Variants in SCFD2 observed in about 807,000 individuals in gnomAD.
The protein encoded by SCFD2 is sec1 family domain containing 2, also known as sec1 family domain-containing protein 2.
In SCFD2, 54 loss-of-function variants were observed where a neutral mutation model predicts 58.9. That is an observed-to-expected ratio of 0.92 (90% CI 0.74 to 1.15). The LOEUF is 1.15. Among genes scored for constraint, SCFD2 ranks in the 50% most tolerant of loss-of-function variants. The pLI is 0.00. For synonymous variants in SCFD2, 321 were observed against 335.9 expected (o/e 0.96, Z 0.49); for missense variants, 805 against 836.6 (o/e 0.96, Z 0.47).
At position 53,112,367 on chromosome 4, in the gene SCFD2, T is replaced by A. The variant is rs551773439; in HGVS notation, c.1561+32966A>T. ...ATTAATTTAAATGAAAGCATTTACATACAATTTTGAACTTCTGACTTTAAC... is the reference window on the plus strand; with the variant it reads ...ATTAATTTAAATGAAAGCATTTACAAACAATTTTGAACTTCTGACTTTAAC... On this transcript the variant is annotated intron_variant, in intron 5 of 8. Transcript: ENST00000401642. Among the ~76,000 whole-genome samples the A allele has an allele frequency of 4.3e-4, 65 of 152,250 alleles. No homozygotes were observed. In the South Asian group the frequency reaches 0.013, roughly 31 times the overall value.
intron 5 of SCFD2, among the ~76,000 whole-genome samples, chr4:52,961,318 C>T (rs1189583616): frequency 3.9e-5 from 6 of 152,082 alleles, no homozygotes; most frequent in East Asian, 1.9e-4. Context: ...AAGCTACTGG[C>T]GGCCATTTTG....
chr4:53,154,599 C>G (rs1726609080), intron 4 of SCFD2, among the ~76,000 whole-genome samples: 1 of 152,192 alleles, frequency 6.6e-6, no homozygotes, highest in South Asian at 2.1e-4. Flanking sequence ...TCAGCCAAGC[C>G]ATGGTGTGTG....
At chr4:53,226,997 C>T (rs1282150738) in intron 4 of SCFD2, among the ~76,000 whole-genome samples, 1 of 152,184 alleles carries the variant, frequency 6.6e-6, no homozygotes, top group African/African-American at 2.4e-5. Flanking sequence ...AAACTCCTTG[C>T]TGTTGAGGAT....
chr4:53,321,270 C>T (rs1416717801), intron 2 of SCFD2, among the ~76,000 whole-genome samples: 1 of 152,012 alleles, frequency 6.6e-6, no homozygotes, highest in Non-Finnish European at 1.5e-5. Context: ...TTAGAAGCTG[C>T]CTTGGGTTGG....
chr4:53,155,706 G>A (rs1220139505), intron 4 of SCFD2, among the ~76,000 whole-genome samples: 1 of 152,166 alleles, frequency 6.6e-6, no homozygotes, highest in African/African-American at 2.4e-5. Flanking sequence ...TTTAAAGCCT[G>A]CTACTTAATA....
chr4:52,939,638 G>A (rs904804987), intron 5 of SCFD2, among the ~76,000 whole-genome samples: 1 of 151,978 alleles, frequency 6.6e-6, no homozygotes, highest in Non-Finnish European at 1.5e-5. Flanking sequence ...GACAAGTAAA[G>A]TGGTAATTTC....
intron 4 of SCFD2, among the ~76,000 whole-genome samples, chr4:53,147,808 G>A (rs2412405): frequency 0.97 from 147,942 of 152,330 alleles, 71,976 homozygotes; most frequent in Middle Eastern, 1. Context: ...AGAATCTCAT[G>A]ATGTTTTAAG....
chr4:53,178,646 G>A (rs532301285), intron 4 of SCFD2, among the ~76,000 whole-genome samples: 478 of 152,310 alleles, frequency 3.1e-3, no homozygotes, highest in African/African-American at 9.7e-3. Context: ...AAAGCTGGAC[G>A]GAGAATGACT....
intron 5 of SCFD2, among the ~76,000 whole-genome samples, chr4:53,119,182 A>G (rs1233057080): frequency 6.6e-6 from 1 of 151,984 alleles, no homozygotes; most frequent in East Asian, 1.9e-4. Context: ...GCTAGGCATG[A>G]TGGTGCATGC....
chr4:53,293,320 G>A (rs1731907299), intron 3 of SCFD2, among the ~76,000 whole-genome samples: 1 of 151,844 alleles, frequency 6.6e-6, no homozygotes, highest in Admixed American at 6.6e-5. Flanking sequence ...GGAAGCAGGG[G>A]GAGAAAGAAC....
intron 2 of SCFD2, among the ~76,000 whole-genome samples, chr4:53,334,807 A>G (rs1338238346): frequency 6.6e-6 from 1 of 152,208 alleles, no homozygotes; most frequent in Non-Finnish European, 1.5e-5. Flanking sequence ...CATGGAAGAG[A>G]CTATTTACAT....
chr4:53,207,433 G>T (rs1469474327), intron 4 of SCFD2, among the ~76,000 whole-genome samples: 1 of 138,662 alleles, frequency 7.2e-6, no homozygotes, highest in Admixed American at 7.7e-5. Flanking sequence ...GGTCAAACTT[G>T]AAAACATCAT....
intron 5 of SCFD2, among the ~76,000 whole-genome samples, chr4:53,109,013 C>T (rs56919722): frequency 0.04 from 6,090 of 152,270 alleles, 407 homozygotes; most frequent in African/African-American, 0.14. Flanking sequence ...AAAAGCTCAT[C>T]TACCATGATC....
chr4:53,009,094 T>C (rs151077124), intron 5 of SCFD2, among the ~76,000 whole-genome samples: 1 of 152,270 alleles, frequency 6.6e-6, no homozygotes, highest in East Asian at 1.9e-4. Flanking sequence ...CCATCTTCCA[T>C]AAATGACTGT....
chr4:53,184,675 A>G (rs538043459), intron 4 of SCFD2, among the ~76,000 whole-genome samples: 1 of 152,256 alleles, frequency 6.6e-6, no homozygotes, highest in Admixed American at 6.5e-5. Context: ...TGGCTGGTGA[A>G]CCACTCTTAA....
intron 3 of SCFD2, among the ~76,000 whole-genome samples, chr4:53,286,310 G>A (rs770796371): frequency 8.5e-5 from 13 of 152,200 alleles, no homozygotes; most frequent in Admixed American, 1.3e-4. Context: ...TAGTGGAGCG[G>A]CCATGCACCC....
intron 4 of SCFD2, among the ~76,000 whole-genome samples, chr4:53,260,960 T>C (rs1362678420): frequency 6.6e-6 from 1 of 152,182 alleles, no homozygotes; most frequent in Admixed American, 6.5e-5. Flanking sequence ...AGAAGGGTTG[T>C]ATATTTCCAG....
rs565332858 is a variant in SCFD2 at position 53,126,783 on chromosome 4, C to T, written c.1561+18550G>A. ...CAGGGAAAGCAGGATTCCCGAGAACCACCGTCTCGGCAGAGAGCTCTCCTC... is the reference window on the plus strand; with the variant it reads ...CAGGGAAAGCAGGATTCCCGAGAACTACCGTCTCGGCAGAGAGCTCTCCTC... On this transcript the variant is annotated intron_variant, in intron 5 of 8. Transcript: ENST00000401642. 1.1e-4 allele frequency among the ~76,000 whole-genome samples: 16 copies of T among 152,238 alleles called. No homozygotes were observed. The East Asian group carries it at 2.9e-3, about 28-fold the overall frequency.
intron 2 of SCFD2, among the ~76,000 whole-genome samples, chr4:53,328,888 G>C (rs530734807): frequency 6.6e-6 from 1 of 152,224 alleles, no homozygotes; most frequent in Non-Finnish European, 1.5e-5. Flanking sequence ...GTGGGTGCGC[G>C]CACCATGCGC....
Sources: allele counts gnomAD v4.1 joint callset (sites outside exome capture counted in the v4.1 genomes callset), GRCh38; gene constraint gnomAD v4.1.1; transcripts MANE v1.5; gene names NCBI Gene and HGNC (gene_info 2026-07-23, HGNC 2026-07-21).